GALNT8: variants seen among roughly 807,000 people sequenced by gnomAD.
GALNT8 encodes probable polypeptide N-acetylgalactosaminyltransferase 8.
GALNT8 carries 66 observed loss-of-function variants against 62.7 expected under a neutral mutation model. The observed-to-expected ratio is 1.05, with a 90% CI of 0.86 to 1.29. The LOEUF is 1.29. GALNT8 is among the 50% of genes most tolerant of loss of function. GALNT8 has a pLI of 0.00. For missense variants in GALNT8, 771 were observed against 791.8 expected (o/e 0.97, Z 0.32); for synonymous variants, 288 against 294.3 (o/e 0.98, Z 0.22).
intron 2 of GALNT8, among the ~76,000 whole-genome samples, chr12:4,736,307 C>G (rs552031929): frequency 6.6e-6 from 1 of 152,184 alleles, no homozygotes; most frequent in Admixed American, 6.5e-5. Flanking sequence ...ACTAGGAAGC[C>G]AGGATTAAAA....
At chr12:4,763,453 GA>G in intron 8 of GALNT8, 63 bp downstream of exon 8, 2 of 1,373,098 alleles carry the variant, frequency 1.5e-6, no homozygotes, top group Non-Finnish European at 2.1e-6. Context: ...AATGCGGCCT[GA>G]ATCTCGTGAT....
intron 6 of GALNT8, among the ~76,000 whole-genome samples, chr12:4,748,561 T>C (rs1946310054): frequency 6.6e-6 from 1 of 152,164 alleles, no homozygotes; most frequent in Non-Finnish European, 1.5e-5. Context: ...GGGTTCTTTA[T>C]TGTGGTTCAC....
Position 4,739,269 on chromosome 12 carries a change from A to G in GALNT8, c.616A>G (p.Asn206Asp). Residue 206 changes from asparagine (N) to aspartate (D), a missense_variant, in exon 3 of 11, where the codon AAC (asparagine) becomes GAC (aspartate). By Grantham distance (23) the Asn-to-Asp change is conservative (BLOSUM62 1). Transcript: ENST00000252318. Reference protein sequence around the residue: ...IIQRAITSIINRTPSRLLKEI... With the variant: ...IIQRAITSIIDRTPSRLLKEI... Reference sequence around the variant, plus strand: ...ACAACGGGCCATCACCAGTATCATCAACCGGACGCCCTCTCGATTGTTGAA... The same window carrying G: ...ACAACGGGCCATCACCAGTATCATCGACCGGACGCCCTCTCGATTGTTGAA... The G allele has an allele frequency of 6.2e-7, 1 of 1,613,958 alleles. No homozygotes were observed. Among genetic ancestry groups the G allele is most frequent in the Non-Finnish European group, 8.5e-7 (1 of 1,179,834 alleles).
intron 4 of GALNT8, 61 bp from the exon 5 acceptor site, chr12:4,745,368 T>C (rs1946292532): frequency 9.5e-7 from 1 of 1,052,790 alleles, no homozygotes; most frequent in Non-Finnish European, 1.5e-6. Context: ...CAGCTTTATC[T>C]GCTCTCCCCT....
chr12:4,721,246 C>T (rs1369389719), intron 1 of GALNT8, among the ~76,000 whole-genome samples: 4 of 152,106 alleles, frequency 2.6e-5, no homozygotes, highest in Non-Finnish European at 4.4e-5. Context: ...GGGTGGGTTG[C>T]ACCTCCACAC....
intron 2 of GALNT8, 77 bp from the exon 3 acceptor site, chr12:4,739,086 G>C: frequency 1.1e-6 from 1 of 880,262 alleles, no homozygotes. Context: ...ACATCATACA[G>C]AGTGAAAGGA....
chr12:4,770,803 T>C (rs975630015), intron 10 of GALNT8, among the ~76,000 whole-genome samples: 4 of 152,150 alleles, frequency 2.6e-5, no homozygotes, highest in African/African-American at 4.8e-5. Context: ...AGAAACTGAA[T>C]GTTTGTTGAA....
At chr12:4,740,659 G>C (rs1946268109) in intron 3 of GALNT8, among the ~76,000 whole-genome samples, 1 of 152,132 alleles carries the variant, frequency 6.6e-6, no homozygotes, top group African/African-American at 2.4e-5. Context: ...CCTGATCTCA[G>C]ATGGTTTGCC....
intron 2 of GALNT8, among the ~76,000 whole-genome samples, chr12:4,735,157 A>G (rs949517708): frequency 2.0e-5 from 3 of 152,138 alleles, no homozygotes; most frequent in African/African-American, 7.2e-5. Context: ...TCCTTCCAGA[A>G]TGGCAAAGTG....
rs538711911 is a variant in GALNT8 at position 4,720,408 on chromosome 12, CCTGAGCAACCTGTGGAAAGCCG to C, written c.-241_-220del. 7.0e-5 allele frequency: 33 copies of C among 471,802 alleles called. No homozygotes were observed. The highest frequency in any genetic ancestry group is 2.6e-4 in the African/African-American group (13 of 50,826). The allele number at this position is 471,802 out of a possible 1,614,324, so 29.2% of individuals were successfully genotyped here. Reference sequence around the variant, plus strand: ...CTCTGCTTCAAGGGAGTGTTATCTCCCTGAGCAACCTGTGGAAAGCCGCTGAGCAACCTGTGGAAAGCCGCTG... The same window carrying C: ...CTCTGCTTCAAGGGAGTGTTATCTCCCTGAGCAACCTGTGGAAAGCCGCTG... On this transcript the variant is annotated 5_prime_UTR_variant, in exon 1 of 11. Transcript: ENST00000252318.
At position 4,727,192 on chromosome 12, in the gene GALNT8, T is replaced by C. The variant is rs1050704713; in HGVS notation, c.509+363T>C. ...AAGCCAGTAGCTCTACCTCCTTTCCTAGGACTTTGCTCAAATTCTCTACTT... is the reference window on the plus strand; with the variant it reads ...AAGCCAGTAGCTCTACCTCCTTTCCCAGGACTTTGCTCAAATTCTCTACTT... On this transcript the variant is annotated intron_variant, in intron 2 of 10. Coordinates refer to ENST00000252318, the MANE Select transcript of GALNT8 (RefSeq NM_017417.2). Among the ~76,000 whole-genome samples the C allele has an allele frequency of 8.5e-5, 13 of 152,242 alleles. No homozygotes were observed. In the East Asian group the frequency reaches 2.3e-3, roughly 27 times the overall value.
rs577876846 is a variant in GALNT8 at position 4,738,564 on chromosome 12, TAAAG to T, written c.510-595_510-592del. Among the ~76,000 whole-genome samples the T allele has an allele frequency of 5.9e-5, 9 of 152,176 alleles. No homozygotes were observed. The East Asian group carries it at 7.7e-4, about 13-fold the overall frequency. ...AAAGAATGCTTACAAAACTCAATAA[TAAAG>T]AAATTAAAAATGGGCAAACATATAG... On this transcript the variant is annotated intron_variant, in intron 2 of 10. Transcript: ENST00000252318.
intron 5 of GALNT8, 45 bp from the exon 6 acceptor site, chr12:4,746,099 C>G (rs367799554): frequency 4.0e-5 from 45 of 1,139,026 alleles, no homozygotes; most frequent in Middle Eastern, 4.2e-4. Flanking sequence ...CCCTCGCCTC[C>G]GCTCCTTATG....
At chr12:4,755,338 G>C (rs1259625516) in intron 6 of GALNT8, among the ~76,000 whole-genome samples, 1 of 152,194 alleles carries the variant, frequency 6.6e-6, no homozygotes, top group Non-Finnish European at 1.5e-5. Context: ...GTGGGCATCA[G>C]CTGAGTTTGG....
At chr12:4,763,687 G>T (rs1416411077) in intron 8 of GALNT8, among the ~76,000 whole-genome samples, 1 of 124,834 alleles carries the variant, frequency 8.0e-6, no homozygotes, top group Non-Finnish European at 1.6e-5. Flanking sequence ...CCTGAACTCC[G>T]CAGAGGCGCC....
intron 3 of GALNT8, among the ~76,000 whole-genome samples, chr12:4,741,510 G>A (rs1314398386): frequency 6.6e-6 from 1 of 152,010 alleles, no homozygotes; most frequent in African/African-American, 2.4e-5. Flanking sequence ...ACCTCTTTGG[G>A]ACTCAGGGTC....
chr12:4,730,917 G>C (rs1034664412), intron 2 of GALNT8, among the ~76,000 whole-genome samples: 1 of 141,828 alleles, frequency 7.1e-6, no homozygotes, highest in Non-Finnish European at 1.5e-5. Context: ...CAGCAATCTC[G>C]GCTCACTGCA....
At chr12:4,747,456 A>G (rs533566009) in intron 6 of GALNT8, among the ~76,000 whole-genome samples, 2 of 152,272 alleles carry the variant, frequency 1.3e-5, no homozygotes, top group South Asian at 4.2e-4. Flanking sequence ...TTTCACATGT[A>G]AGTGAGAAAT....
intron 8 of GALNT8, among the ~76,000 whole-genome samples, chr12:4,763,668 C>T (rs1299807823): frequency 7.5e-6 from 1 of 133,680 alleles, no homozygotes; most frequent in African/African-American, 2.8e-5. Flanking sequence ...CAGCGATTGG[C>T]CTTGTCCGCC....
Sources: gnomAD v4.1 joint callset for allele counts (sites outside exome capture counted in the v4.1 genomes callset) on GRCh38, gnomAD v4.1.1 for gene constraint, MANE v1.5 for transcripts, NCBI Gene and HGNC (gene_info 2026-07-23, HGNC 2026-07-21) for gene names.